The following VSTM2A variants were observed in gnomAD, a reference collection of about 807,000 sequenced individuals.
The protein encoded by VSTM2A is V-set and transmembrane domain containing 2A, also known as V-set and transmembrane domain-containing protein 2A.
VSTM2A carries 13 observed loss-of-function variants against 27.3 expected under a neutral mutation model. The observed-to-expected ratio is 0.48, with a 90% CI of 0.31 to 0.76. The LOEUF (loss-of-function observed/expected upper bound fraction) is 0.76. VSTM2A is among the 30% of genes least tolerant of loss of function. The pLI is 0.05. For missense variants in VSTM2A, 280 were observed against 310.0 expected, an observed-to-expected ratio of 0.90 and a Z score of 0.73; for synonymous variants, 142 against 125.7, an observed-to-expected ratio of 1.13 and a Z score of -0.87.
Position 54,542,632 on chromosome 7 carries a change from C to A in VSTM2A, c.-99C>A, listed in dbSNP as rs1584038974. On this transcript the variant is annotated 5_prime_UTR_variant, in exon 1 of 5. Transcript: ENST00000402613. ...CAGCAGGATGTTTGCAGTGTCGCGC[C>A]CAGGGCTCTGAGACTGAGCCTGCCA... 9.4e-7 allele frequency: 1 copy of A among 1,068,256 alleles called. No individual in the cohort carries two copies. The highest frequency in any genetic ancestry group is 2.4e-5 in the East Asian group (1 of 42,342). 66.2% of individuals were successfully genotyped at this position (1,068,256 alleles called of 1,614,324 possible). A position where few individuals can be genotyped will look rare whatever the true frequency, so the allele number is the denominator to read the frequency against.
In VSTM2A at chr7:54,570,835, A is replaced by G. The variant is rs192331069; in HGVS notation, c.*1616A>G. 1 of 152,182 alleles carries G rather than the reference A, an allele frequency of 6.6e-6. No homozygotes were observed. Among genetic ancestry groups the G allele is most frequent in the Non-Finnish European group, 1.5e-5 (1 of 68,000 alleles). 9.4% of individuals were successfully genotyped at this position (152,182 alleles called of 1,614,324 possible). A position where few individuals can be genotyped will look rare whatever the true frequency, so the allele number is the denominator to read the frequency against. On this transcript the variant is annotated 3_prime_UTR_variant, in exon 5 of 5. Transcript: ENST00000402613. ...CAGCTATGTGGGGCCATCAGCTCCC[A>G]GCCTAAGGTCCTATAACCCGAAGCT...
rs867927035 is a variant in VSTM2A, at chr7:54,570,113, A to G, written c.*894A>G. On this transcript the variant is annotated 3_prime_UTR_variant, in exon 5 of 5. Transcript: ENST00000402613. ...CTGGAAAGTGCATATTCAAAATTGT[A>G]TCAGTCTCTGATCGATGAATTAATT... 6.6e-6 allele frequency: 1 copy of G among 152,176 alleles called. No individual in the cohort carries two copies. Among genetic ancestry groups the G allele is most frequent in the Admixed American group, 6.5e-5 (1 of 15,272 alleles). 9.4% of individuals were successfully genotyped at this position (152,176 alleles called of 1,614,324 possible).
chr7:54,548,664 A>G (rs1788081236), intron 3 of VSTM2A, among the ~76,000 whole-genome samples: 5 of 152,220 alleles, frequency 3.3e-5, no homozygotes. Context: ...AACCCAGAAT[A>G]AATGTGGAAG....
chr7:54,542,597 G>C lies in VSTM2A; in HGVS notation c.-134G>C. ...TCCCTTCTCCCCACAGCCAGCCCTC[G>C]CCAAGCAAGCAGCAGGATGTTTGCA... On this transcript the variant is annotated 5_prime_UTR_variant, in exon 1 of 5. Transcript: ENST00000402613. The C allele has an allele frequency of 2.7e-6, 2 of 751,184 alleles. No individual in the cohort carries two copies. Among genetic ancestry groups the C allele is most frequent in the East Asian group, 2.5e-5 (1 of 39,636 alleles). The allele number at this position is 751,184 out of a possible 1,614,324, so 46.5% of individuals were successfully genotyped here. A position where few individuals can be genotyped will look rare whatever the true frequency, so the allele number is the denominator to read the frequency against.
intron 4 of VSTM2A, chr7:54,554,196 G>T: frequency 7.0e-7 from 1 of 1,438,284 alleles, no homozygotes; most frequent in Non-Finnish European, 9.3e-7. Context: ...TTTCTCCCTC[G>T]ATCACTCCTT....
chr7:54,567,037 A>G (rs899732188), intron 4 of VSTM2A, among the ~76,000 whole-genome samples: 6 of 152,208 alleles, frequency 3.9e-5, no homozygotes, highest in African/African-American at 1.4e-4. Context: ...AGATCCTCAG[A>G]TTTCATTTCT....
At chr7:54,566,527 AT>A (rs1788729114) in intron 4 of VSTM2A, among the ~76,000 whole-genome samples, 1 of 152,210 alleles carries the variant, frequency 6.6e-6, no homozygotes, top group African/African-American at 2.4e-5. Context: ...GAACAGATAA[AT>A]GGACAGGCAA....
chr7:54,548,697 TTAG>T (rs1788082439), intron 3 of VSTM2A, among the ~76,000 whole-genome samples: 2 of 152,148 alleles, frequency 1.3e-5, no homozygotes, highest in Admixed American at 6.5e-5. Flanking sequence ...TTTTATAGTA[TTAG>T]TATATTTATA....
chr7:54,568,936 G>T lies in VSTM2A; in HGVS notation c.635-195G>T, dbSNP rs1294821972. ...GAGCTAATTAAATATATATATGTAT[G>T]TGTTTAAAACAACCTAATAAGGAGC... On this transcript the variant is annotated intron_variant, in intron 4 of 4. Coordinates refer to ENST00000402613, the MANE Select transcript of VSTM2A (RefSeq NM_001301009.2). 2.7e-6 allele frequency: 4 copies of T among 1,495,668 alleles called. No individual in the cohort carries two copies. The East Asian group carries it at 9.8e-5, about 37-fold the overall frequency. The allele number at this position is 1,495,668 out of a possible 1,614,324, so 92.6% of individuals were successfully genotyped here.
At chr7:54,549,449 G>C (rs2115808187) in intron 3 of VSTM2A, among the ~76,000 whole-genome samples, 1 of 152,344 alleles carries the variant, frequency 6.6e-6, no homozygotes, top group African/African-American at 2.4e-5. Context: ...AGCCCACAGG[G>C]AAGAAAAGAG....
chr7:54,564,613 A>G (rs1250905937), intron 4 of VSTM2A, among the ~76,000 whole-genome samples: 1 of 152,170 alleles, frequency 6.6e-6, no homozygotes, highest in Admixed American at 6.5e-5. Context: ...CTCTTCTGGG[A>G]TCTTTCCTAG....
At chr7:54,552,389 TC>T (rs1404319119) in intron 4 of VSTM2A, 2 of 152,224 alleles carry the variant, frequency 1.3e-5, no homozygotes, top group African/African-American at 4.8e-5. Context: ...ATGTGTAAGT[TC>T]CTATACTTGC....
chr7:54,544,584 G>A, intron 1 of VSTM2A, 38 bp from the exon 2 acceptor site: 1 of 1,612,244 alleles, frequency 6.2e-7, no homozygotes, highest in Non-Finnish European at 8.5e-7. Flanking sequence ...GGCAAGAGGG[G>A]TGTGGATATT....
At chr7:54,545,926 GA>G (rs1183423994) in intron 2 of VSTM2A, among the ~76,000 whole-genome samples, 1 of 79,742 alleles carries the variant, frequency 1.3e-5, no homozygotes, top group African/African-American at 6.3e-5. Context: ...AGAGAGGTAA[GA>G]GGGGGGAAGG....
chr7:54,569,452 T>G lies in VSTM2A; in HGVS notation c.*233T>G, dbSNP rs1384485206. Reference sequence around the variant, plus strand: ...CTGAATGTCATCAGGATAGGGAATATTTACTATGGATACCACTAATTTCCT... The same window carrying G: ...CTGAATGTCATCAGGATAGGGAATAGTTACTATGGATACCACTAATTTCCT... On this transcript the variant is annotated 3_prime_UTR_variant, in exon 5 of 5. Transcript: ENST00000402613. 2.1e-5 allele frequency: 13 copies of G among 627,928 alleles called. No homozygotes were observed. In the East Asian group the frequency reaches 3.5e-4, roughly 17 times the overall value. 38.9% of individuals were successfully genotyped at this position (627,928 alleles called of 1,614,324 possible).
chr7:54,550,584 T>C (rs1429732743), intron 4 of VSTM2A: 2 of 231,862 alleles, frequency 8.6e-6, no homozygotes, highest in Admixed American at 5.2e-5. Flanking sequence ...TGCCATATCA[T>C]GCATTTTCAG....
rs1012091709 is a variant in VSTM2A at position 54,570,316 on chromosome 7, G to A, written c.*1097G>A. 5.3e-5 allele frequency: 8 copies of A among 152,096 alleles called. No homozygotes were observed. Among genetic ancestry groups the A allele is most frequent in the Non-Finnish European group, 8.8e-5 (6 of 68,000 alleles). The allele number at this position is 152,096 out of a possible 1,614,324, so 9.4% of individuals were successfully genotyped here. On this transcript the variant is annotated 3_prime_UTR_variant, in exon 5 of 5. Transcript: ENST00000402613. ...TGTTGCTTCTAGAAAATTTGCCTAG[G>A]AGGCGAATGTGGGGAAGGTGAAGCA...
rs1212030633 is a variant in VSTM2A at position 54,560,515 on chromosome 7, G to C, written c.635-8616G>C. ...CCAATTCCAAGGGAGATGAAAGTGA[G>C]GAGCAATGCATTGTCATTGGGAGTA... On this transcript the variant is annotated intron_variant, in intron 4 of 4. Transcript: ENST00000402613. 2.0e-5 allele frequency among the ~76,000 whole-genome samples: 3 copies of C among 152,124 alleles called. No homozygotes were observed. The East Asian group carries it at 5.8e-4, about 29-fold the overall frequency.
intron 4 of VSTM2A, among the ~76,000 whole-genome samples, chr7:54,567,091 T>C (rs1472955785): frequency 6.6e-6 from 1 of 152,148 alleles, no homozygotes; most frequent in African/African-American, 2.4e-5. Context: ...ATCTTTTCAT[T>C]CAAGACATAA....
Sources: allele counts gnomAD v4.1 joint callset (sites outside exome capture counted in the v4.1 genomes callset), GRCh38; gene constraint gnomAD v4.1.1; transcripts MANE v1.5; gene names NCBI Gene and HGNC (gene_info 2026-07-23, HGNC 2026-07-21).